The following LRP1B variants were observed in gnomAD, a reference collection of about 807,000 sequenced individuals.
The protein encoded by LRP1B is LDL receptor related protein 1B, also known as low-density lipoprotein receptor-related protein 1B.
LRP1B carries 217 observed loss-of-function variants against 556.6 expected under a neutral mutation model. The ratio of observed to expected loss-of-function variants is 0.39; its 90% CI spans 0.35 to 0.44. The LOEUF (loss-of-function observed/expected upper bound fraction) is 0.44. Among genes scored for constraint, LRP1B ranks in the 20% least tolerant of loss-of-function variants. The probability of loss-of-function intolerance (pLI) is 1.00; values close to 1 mark genes in which losing one functional copy is unlikely to be tolerated. For missense variants in LRP1B, 5,053 were observed against 5,620.8 expected, an observed-to-expected ratio of 0.90 and a Z score of 3.23; for synonymous variants, 2,047 against 1,865.8, an observed-to-expected ratio of 1.10 and a Z score of -2.50.
intron 1 of LRP1B, among the ~76,000 whole-genome samples, chr2:142,048,242 A>T (rs1400897348): frequency 2.6e-5 from 4 of 152,042 alleles, no homozygotes; most frequent in African/African-American, 9.7e-5. Flanking sequence ...ATAAATGTCC[A>T]TTTATTTCTA....
chr2:141,039,293 T>C (rs1698628562), intron 11 of LRP1B, among the ~76,000 whole-genome samples: 1 of 152,082 alleles, frequency 6.6e-6, no homozygotes, highest in South Asian at 2.1e-4. Context: ...GCACATAACA[T>C]TTATTATAGC....
chr2:141,829,678 A>G (rs1363452415), intron 1 of LRP1B, among the ~76,000 whole-genome samples: 1 of 151,970 alleles, frequency 6.6e-6, no homozygotes, highest in Non-Finnish European at 1.5e-5. Context: ...ATTTTTTTTC[A>G]GTGGCTTTAT....
intron 49 of LRP1B, among the ~76,000 whole-genome samples, chr2:140,518,879 C>T (rs541274324): frequency 4.4e-4 from 67 of 152,244 alleles, no homozygotes; most frequent in African/African-American, 1.3e-3. Flanking sequence ...TCTGCAAACA[C>T]GGACAATTTG....
intron 17 of LRP1B, 145 bp downstream of exon 17, chr2:140,989,387 G>A: frequency 1.3e-6 from 1 of 796,088 alleles, no homozygotes; most frequent in Non-Finnish European, 2.0e-6. Flanking sequence ...TAGCCTTTGT[G>A]GCATCAAACT....
chr2:140,983,817 T>C lies in LRP1B; in HGVS notation c.2771-1541A>G, dbSNP rs1197706862. On this transcript the variant is annotated intron_variant, in intron 17 of 90. Transcript: ENST00000389484. ...TACATCTAAAATATTTTATGCACTATCTGATTTTTTACATTTTACAAATTC... is the reference window on the plus strand; with the variant it reads ...TACATCTAAAATATTTTATGCACTACCTGATTTTTTACATTTTACAAATTC... 3.3e-5 allele frequency among the ~76,000 whole-genome samples: 5 copies of C among 149,272 alleles called. No homozygotes were observed. In the South Asian group the frequency reaches 1.1e-3, roughly 32 times the overall value.
At chr2:140,433,850 C>G (rs57790078) in intron 66 of LRP1B, among the ~76,000 whole-genome samples, 17,176 of 147,480 alleles carry the variant, frequency 0.12, 1,135 homozygotes, top group East Asian at 0.25. Flanking sequence ...TTTTTTTTCT[C>G]AAATATCAGT....
rs566011564 is a variant in LRP1B, at chr2:142,062,914, C to T, written c.82+67734G>A. Among the ~76,000 whole-genome samples the T allele has an allele frequency of 4.0e-5, 6 of 151,308 alleles. No individual in the cohort carries two copies. In the East Asian group the frequency reaches 1.2e-3, roughly 30 times the overall value. ...GTCAGTCTTTTTCCAAACCTAAAGT[C>T]ATTATGTTCAATAAGTATTGGAAAG... On this transcript the variant is annotated intron_variant, in intron 1 of 90. Transcript: ENST00000389484.
At chr2:141,423,787 ATAC>A (rs930831957) in intron 3 of LRP1B, among the ~76,000 whole-genome samples, 9 of 151,508 alleles carry the variant, frequency 5.9e-5, no homozygotes, top group African/African-American at 2.2e-4. Flanking sequence ...TACATTTAAT[ATAC>A]TACTGTTTTC....
intron 2 of LRP1B, among the ~76,000 whole-genome samples, chr2:141,708,185 C>T (rs528109895): frequency 6.6e-6 from 1 of 151,964 alleles, no homozygotes; most frequent in African/African-American, 2.4e-5. Flanking sequence ...TGTAACAAAC[C>T]TGCACGTCCG....
At chr2:140,464,876 G>A (rs1687478075) in intron 60 of LRP1B, among the ~76,000 whole-genome samples, 1 of 152,260 alleles carries the variant, frequency 6.6e-6, no homozygotes. Flanking sequence ...CATGAGTTTA[G>A]TATCTGGTCT....
At chr2:141,193,527 G>C (rs1484728581) in intron 6 of LRP1B, among the ~76,000 whole-genome samples, 1 of 151,948 alleles carries the variant, frequency 6.6e-6, no homozygotes, top group Non-Finnish European at 1.5e-5. Flanking sequence ...ATTAGTAGGA[G>C]CTGAATGATG....
intron 3 of LRP1B, among the ~76,000 whole-genome samples, chr2:141,353,012 A>G (rs1307016598): frequency 4.6e-5 from 7 of 152,120 alleles, no homozygotes; most frequent in Admixed American, 3.9e-4. Flanking sequence ...TCTTCATTCT[A>G]TTGACTACAG....
At chr2:141,370,363 C>T (rs1689186255) in intron 3 of LRP1B, among the ~76,000 whole-genome samples, 1 of 152,120 alleles carries the variant, frequency 6.6e-6, no homozygotes, top group Non-Finnish European at 1.5e-5. Context: ...AGGATGATAT[C>T]TCATTGTGGT....
chr2:141,798,462 C>T (rs1320483401), intron 2 of LRP1B, among the ~76,000 whole-genome samples: 2 of 151,998 alleles, frequency 1.3e-5, no homozygotes, highest in Non-Finnish European at 2.9e-5. Context: ...AATCCCAGCA[C>T]TTCTGGGGGG....
intron 41 of LRP1B, among the ~76,000 whole-genome samples, chr2:140,623,818 C>T (rs1344541271): frequency 6.6e-6 from 1 of 151,708 alleles, no homozygotes; most frequent in Non-Finnish European, 1.5e-5. Context: ...ACTCTGGAGG[C>T]TGAGGCAGGA....
At chr2:141,251,975 C>G (rs967012026) in intron 4 of LRP1B, among the ~76,000 whole-genome samples, 1 of 152,046 alleles carries the variant, frequency 6.6e-6, no homozygotes, top group African/African-American at 2.4e-5. Flanking sequence ...CCAAACCCTT[C>G]TTCCTCTCCC....
At chr2:140,312,729 T>G (rs2105031534) in intron 83 of LRP1B, among the ~76,000 whole-genome samples, 1 of 152,032 alleles carries the variant, frequency 6.6e-6, no homozygotes, top group East Asian at 1.9e-4. Context: ...ATATTTCATT[T>G]TTAGTATCTT....
intron 10 of LRP1B, among the ~76,000 whole-genome samples, chr2:141,052,605 A>G (rs921491859): frequency 1.3e-5 from 2 of 152,080 alleles, no homozygotes; most frequent in Non-Finnish European, 2.9e-5. Context: ...TATGATCATT[A>G]TATTTATTAG....
At chr2:141,916,348 C>CTTATTTATTTAT (rs61643665) in intron 1 of LRP1B, among the ~76,000 whole-genome samples, 38,951 of 141,656 alleles carry the variant, frequency 0.27, 5,762 homozygotes, top group Middle Eastern at 0.33. Context: ...CACGTTTTCA[C>CTTATTTATTTAT]TTATTTATTT....
Sources: allele counts gnomAD v4.1 joint callset (sites outside exome capture counted in the v4.1 genomes callset), GRCh38; gene constraint gnomAD v4.1.1; transcripts MANE v1.5; gene names NCBI Gene and HGNC (gene_info 2026-07-23, HGNC 2026-07-21).